NTM: variants seen among roughly 807,000 people sequenced by gnomAD.
NTM encodes IgLON family member 2.
In NTM, 13 loss-of-function variants were observed where a neutral mutation model predicts 42.1. The ratio of observed to expected loss-of-function variants is 0.31; its 90% CI spans 0.20 to 0.49. NTM has a LOEUF of 0.49. NTM is among the 20% of genes least tolerant of loss of function. NTM has a pLI of 0.99. For missense variants in NTM, 373 were observed against 452.8 expected (o/e 0.82, Z 1.60); for synonymous variants, 187 against 179.2 (o/e 1.04, Z -0.35).
In NTM at chr11:132,031,306, C is replaced by G. The variant is rs148441649; in HGVS notation, c.168-114976C>G. ...TAAGTCATATTGATCTGACAAGTGA[C>G]TTGTTCTTTTATTTTCAAAGAGTAA... On this transcript the variant is annotated intron_variant, in intron 2 of 8. Coordinates refer to ENST00000683400, the MANE Select transcript of NTM (RefSeq NM_001352005.2). Among the ~76,000 whole-genome samples the G allele has an allele frequency of 2.1e-3, 322 of 152,204 alleles. 1 individual carries two copies. The highest frequency in any genetic ancestry group is 2.2e-3 in the Non-Finnish European group (148 of 68,018).
chr11:132,182,784 A>C (rs770375953), intron 3 of NTM, among the ~76,000 whole-genome samples: 1 of 152,134 alleles, frequency 6.6e-6, no homozygotes, highest in Non-Finnish European at 1.5e-5. Flanking sequence ...AAAGCATATA[A>C]ACTTCTCTAA....
intron 1 of NTM, among the ~76,000 whole-genome samples, chr11:131,671,066 T>A (rs1238955197): frequency 6.6e-6 from 1 of 152,098 alleles, no homozygotes; most frequent in African/African-American, 2.4e-5. Context: ...CCTGCCCCCA[T>A]CATCTTTCTT....
intron 1 of NTM, among the ~76,000 whole-genome samples, chr11:131,681,879 C>T (rs1321144219): frequency 6.7e-6 from 1 of 150,034 alleles, no homozygotes; most frequent in Non-Finnish European, 1.5e-5. Flanking sequence ...GCGTCTGTGT[C>T]TGTGTGTCTC....
At chr11:131,834,640 A>ATATATG (rs1555148268) in intron 1 of NTM, among the ~76,000 whole-genome samples, 6 of 147,016 alleles carry the variant, frequency 4.1e-5, no homozygotes, top group South Asian at 2.1e-4. Context: ...ATATATATAT[A>ATATATG]TATATGTATA....
chr11:131,765,191 C>T (rs899528902), intron 1 of NTM, among the ~76,000 whole-genome samples: 1 of 152,236 alleles, frequency 6.6e-6, no homozygotes, highest in African/African-American at 2.4e-5. Context: ...CTCCACAGAG[C>T]AGCCAGCCCG....
rs538495627 is a variant in NTM at position 132,002,286 on chromosome 11, C to A, written c.167+90638C>A. On this transcript the variant is annotated intron_variant, in intron 2 of 8. Transcript: ENST00000683400. The surrounding 1 kb of genome is among the most constrained non-coding windows in gnomAD (Gnocchi z 4.5). The stretch of plus-strand genomic sequence containing the variant: ...TTGTGGCAGCTTTACTGTACAAAAG[C>A]GATGAAATTTAATAATTATTTAGTT... Among the ~76,000 whole-genome samples the A allele has an allele frequency of 6.6e-6, 1 of 152,032 alleles. No homozygotes were observed. The highest frequency in any genetic ancestry group is 1.9e-4 in the East Asian group (1 of 5,192).
intron 1 of NTM, among the ~76,000 whole-genome samples, chr11:131,592,683 CACA>C (rs1161143247): frequency 1.1e-4 from 15 of 141,228 alleles, no homozygotes; most frequent in East Asian, 8.1e-4. Flanking sequence ...CACACACACA[CACA>C]CCATAGTTCA....
intron 4 of NTM, among the ~76,000 whole-genome samples, chr11:132,226,664 T>C (rs1021169634): frequency 1.3e-5 from 2 of 152,190 alleles, no homozygotes; most frequent in African/African-American, 4.8e-5. Context: ...GGCGTAAAGA[T>C]AGCCAGTAAA....
At chr11:131,940,579 C>T (rs553917485) in intron 2 of NTM, among the ~76,000 whole-genome samples, 1 of 152,296 alleles carries the variant, frequency 6.6e-6, no homozygotes, top group African/African-American at 2.4e-5. Context: ...TTAACCTGAG[C>T]TAGAGACTCT....
intron 1 of NTM, among the ~76,000 whole-genome samples, chr11:131,579,693 G>A (rs1451412239): frequency 6.6e-6 from 1 of 152,172 alleles, no homozygotes; most frequent in African/African-American, 2.4e-5. Context: ...GGAAGCTCCA[G>A]GAAGAGAACT....
intron 2 of NTM, among the ~76,000 whole-genome samples, chr11:132,037,088 T>C (rs2076597108): frequency 6.6e-6 from 1 of 152,208 alleles, no homozygotes; most frequent in Admixed American, 6.5e-5. Flanking sequence ...CTGCTGAAGT[T>C]TGATCCCTGA....
chr11:132,110,670 A>C (rs553106439), intron 2 of NTM, among the ~76,000 whole-genome samples: 1 of 152,184 alleles, frequency 6.6e-6, no homozygotes, highest in South Asian at 2.1e-4. Context: ...AATTTCAATG[A>C]ATCAACACAG....
At chr11:131,743,396 A>G (rs2081415662) in intron 1 of NTM, among the ~76,000 whole-genome samples, 1 of 152,204 alleles carries the variant, frequency 6.6e-6, no homozygotes, top group Non-Finnish European at 1.5e-5. Context: ...TTTTCATTAA[A>G]AAACTTATTT....
intron 2 of NTM, among the ~76,000 whole-genome samples, chr11:131,995,336 A>T (rs554434648): frequency 1.3e-5 from 2 of 152,258 alleles, no homozygotes; most frequent in South Asian, 4.1e-4. Context: ...TGGGACTGCC[A>T]TTCTACTGCA....
chr11:131,378,596 T>A (rs1942263695), intron 1 of NTM, among the ~76,000 whole-genome samples: 1 of 152,208 alleles, frequency 6.6e-6, no homozygotes, highest in Non-Finnish European at 1.5e-5. Context: ...AAGGAAAGGA[T>A]TAACTTGTCA....
At chr11:131,629,074 G>A (rs2137749916) in intron 1 of NTM, among the ~76,000 whole-genome samples, 1 of 152,354 alleles carries the variant, frequency 6.6e-6, no homozygotes, top group African/African-American at 2.4e-5. Context: ...GTTAGTGCAT[G>A]GATTAGGAAT....
chr11:131,817,264 T>C (rs1477902219), intron 1 of NTM, among the ~76,000 whole-genome samples: 1 of 152,246 alleles, frequency 6.6e-6, no homozygotes, highest in Non-Finnish European at 1.5e-5. Context: ...ATGTATTTCA[T>C]TCATTACTAC....
intron 1 of NTM, among the ~76,000 whole-genome samples, chr11:131,622,427 C>T (rs536662352): frequency 6.6e-6 from 1 of 152,298 alleles, no homozygotes; most frequent in East Asian, 1.9e-4. Flanking sequence ...TTTGTATGCT[C>T]CGTGTCGCCA....
intron 4 of NTM, among the ~76,000 whole-genome samples, chr11:132,223,960 C>G (rs920941379): frequency 6.6e-6 from 1 of 152,156 alleles, no homozygotes; most frequent in Non-Finnish European, 1.5e-5. Flanking sequence ...AGGCTAGTGA[C>G]AAGTTGGGCT....
Sources: allele counts gnomAD v4.1 joint callset (sites outside exome capture counted in the v4.1 genomes callset), GRCh38; gene constraint gnomAD v4.1.1; non-coding constraint Gnocchi (gnomAD v3.1); transcripts MANE v1.5; gene names NCBI Gene and HGNC (gene_info 2026-07-23, HGNC 2026-07-21).